The following SYT16 variants were observed in gnomAD, a reference collection of about 807,000 sequenced individuals.
The protein encoded by SYT16 is synaptotagmin 16.
Under a neutral mutation model 61.4 loss-of-function variants are expected in SYT16, and 42 were observed. The observed-to-expected ratio is 0.68, with a 90% CI of 0.53 to 0.89. The LOEUF (loss-of-function observed/expected upper bound fraction) is 0.89, where lower values mean the gene tolerates loss of function less well. Among genes scored for constraint, SYT16 ranks in the 40% least tolerant of loss-of-function variants. The pLI, the probability that SYT16 is intolerant of heterozygous loss-of-function variation, is 0.00. For missense variants in SYT16, 804 were observed against 807.3 expected, an observed-to-expected ratio of 1.00 and a Z score of 0.05; for synonymous variants, 314 against 302.3, an observed-to-expected ratio of 1.04 and a Z score of -0.40.
chr14:61,884,191 T>C lies in SYT16; in HGVS notation c.-325+71381T>C, dbSNP rs186452274. Among the ~76,000 whole-genome samples, 758 of 152,284 alleles carry C rather than the reference T, an allele frequency of 5.0e-3. 6 individuals are homozygous for C. The highest frequency in any genetic ancestry group is 0.017 in the African/African-American group (716 of 41,540). On this transcript the variant is annotated intron_variant, in intron 1 of 7. Coordinates refer to ENST00000683842, the MANE Select transcript of SYT16 (RefSeq NM_001367656.1). Reference sequence around the variant, plus strand: ...TCTCCAAATTGAAATCTCAGGACTATTTTTCAATAATAGCAGGTAGATTTT... The same window carrying C: ...TCTCCAAATTGAAATCTCAGGACTACTTTTCAATAATAGCAGGTAGATTTT...
chr14:61,983,575 G>A (rs1218629734), intron 2 of SYT16, among the ~76,000 whole-genome samples: 1 of 152,044 alleles, frequency 6.6e-6, no homozygotes, highest in Non-Finnish European at 1.5e-5. Flanking sequence ...ATCCAGGCTG[G>A]AGTGCAGTGG....
chr14:61,864,187 CT>C (rs2047055672), intron 1 of SYT16, among the ~76,000 whole-genome samples: 1 of 152,238 alleles, frequency 6.6e-6, no homozygotes, highest in Admixed American at 6.5e-5. Context: ...AAATTTTCCA[CT>C]ATTATGAATA....
At chr14:62,000,316 A>G (rs1374337744) in intron 3 of SYT16, among the ~76,000 whole-genome samples, 1 of 151,356 alleles carries the variant, frequency 6.6e-6, no homozygotes, top group African/African-American at 2.4e-5. Context: ...TCATTATGTA[A>G]TGTACCATTT....
chr14:62,060,705 A>T (rs1051377587), intron 3 of SYT16, among the ~76,000 whole-genome samples: 2 of 152,032 alleles, frequency 1.3e-5, no homozygotes, highest in South Asian at 4.1e-4. Context: ...TAAATACATT[A>T]TTGGATTTCT....
At chr14:61,999,054 T>A (rs764983896) in intron 3 of SYT16, among the ~76,000 whole-genome samples, 6 of 151,938 alleles carry the variant, frequency 3.9e-5, no homozygotes, top group Non-Finnish European at 8.8e-5. Context: ...TTTGTTAGTC[T>A]TTGCTAAAGA....
chr14:61,836,497 T>C (rs879270377), intron 1 of SYT16, among the ~76,000 whole-genome samples: 1 of 152,226 alleles, frequency 6.6e-6, no homozygotes, highest in Admixed American at 6.5e-5. Context: ...ATATTAAATG[T>C]GCACCTTCTG....
intron 7 of SYT16, among the ~76,000 whole-genome samples, chr14:62,095,527 A>T (rs2057244066): frequency 6.6e-6 from 1 of 151,982 alleles, no homozygotes; most frequent in Non-Finnish European, 1.5e-5. Context: ...ACCAAAAAAT[A>T]ATAAAAGATG....
chr14:61,987,723 G>C (rs532556284), intron 2 of SYT16, among the ~76,000 whole-genome samples: 1 of 142,926 alleles, frequency 7.0e-6, no homozygotes, highest in South Asian at 2.4e-4. Context: ...TATGGTGGAG[G>C]GATTAGGAAT....
At chr14:61,817,010 C>T (rs2045456888) in intron 1 of SYT16, among the ~76,000 whole-genome samples, 1 of 3,988 alleles carries the variant, frequency 2.5e-4, no homozygotes, top group Admixed American at 4.4e-3. Context: ...GGCTCCGTCA[C>T]ACACACACAC....
intron 1 of SYT16, among the ~76,000 whole-genome samples, chr14:61,967,297 G>A (rs934287467): frequency 2.0e-5 from 3 of 152,228 alleles, no homozygotes; most frequent in Non-Finnish European, 4.4e-5. Flanking sequence ...TGTAACCTGA[G>A]TTAGGGAATT....
At chr14:61,877,140 G>T (rs1276858995) in intron 1 of SYT16, among the ~76,000 whole-genome samples, 2 of 152,144 alleles carry the variant, frequency 1.3e-5, no homozygotes, top group African/African-American at 2.4e-5. Flanking sequence ...GAGATGATCG[G>T]TTTTCTTCGG....
rs140141127 is a variant in SYT16, at chr14:61,975,837, C to T, written c.-145+5526C>T. On this transcript the variant is annotated intron_variant, in intron 2 of 7. Coordinates refer to ENST00000683842, the MANE Select transcript of SYT16 (RefSeq NM_001367656.1). ...TTCCCCCCAAATCTCATGTCTCTTT[C>T]GCATTTCAAACCAATAATGCCTTCC... Among the ~76,000 whole-genome samples the T allele has an allele frequency of 3.2e-3, 484 of 152,290 alleles. 4 individuals are homozygous for T. The highest frequency in any genetic ancestry group is 0.011 in the African/African-American group (460 of 41,552).
intron 3 of SYT16, among the ~76,000 whole-genome samples, chr14:62,066,802 A>G (rs11847764): frequency 0.33 from 49,968 of 152,142 alleles, 8,892 homozygotes; most frequent in African/African-American, 0.47. Flanking sequence ...CCTGGATGCA[A>G]AGGTGGGCAG....
chr14:61,970,016 T>A (rs1042320548), intron 1 of SYT16, 116 bp from the exon 2 acceptor site: 1 of 152,208 alleles, frequency 6.6e-6, no homozygotes, highest in African/African-American at 2.4e-5. Context: ...AGAGTGTTTG[T>A]CATTTCTCAT....
chr14:61,860,725 C>T (rs765685345), intron 1 of SYT16, among the ~76,000 whole-genome samples: 1 of 152,160 alleles, frequency 6.6e-6, no homozygotes, highest in African/African-American at 2.4e-5. Context: ...AAGATTGCTG[C>T]ACTACATTGA....
At chr14:61,882,465 G>C (rs2047734437) in intron 1 of SYT16, among the ~76,000 whole-genome samples, 1 of 152,124 alleles carries the variant, frequency 6.6e-6, no homozygotes, top group African/African-American at 2.4e-5. Flanking sequence ...ACTATTATGA[G>C]AACAGCATGG....
At chr14:61,982,831 A>T (rs928026616) in intron 2 of SYT16, among the ~76,000 whole-genome samples, 5 of 152,162 alleles carry the variant, frequency 3.3e-5, no homozygotes, top group Non-Finnish European at 2.9e-5. Flanking sequence ...CATGCTAAAA[A>T]CTGGCATCAT....
chr14:61,838,689 C>T (rs77171434), intron 1 of SYT16, among the ~76,000 whole-genome samples: 334 of 152,224 alleles, frequency 2.2e-3, no homozygotes, highest in Non-Finnish European at 3.7e-3. Flanking sequence ...CAATTTATTA[C>T]CCTGAAATTC....
intron 1 of SYT16, among the ~76,000 whole-genome samples, chr14:61,831,709 C>T (rs1229921303): frequency 6.6e-6 from 1 of 151,756 alleles, no homozygotes; most frequent in African/African-American, 2.4e-5. Context: ...CCAGATTTTT[C>T]TTTCACTTCA....
Sources: gnomAD v4.1 joint callset for allele counts (sites outside exome capture counted in the v4.1 genomes callset) on GRCh38, gnomAD v4.1.1 for gene constraint, MANE v1.5 for transcripts, NCBI Gene and HGNC (gene_info 2026-07-23, HGNC 2026-07-21) for gene names.